The following SPAG16 variants were observed in gnomAD, a reference collection of about 807,000 sequenced individuals.
The protein encoded by SPAG16 is sperm-associated antigen 16 protein.
Under a neutral mutation model 80.4 loss-of-function variants are expected in SPAG16, and 86 were observed. That is an observed-to-expected ratio of 1.07 (90% CI 0.90 to 1.28). The LOEUF (loss-of-function observed/expected upper bound fraction) is 1.28, where lower values mean the gene tolerates loss of function less well. Among genes scored for constraint, SPAG16 ranks in the 50% most tolerant of loss-of-function variants. SPAG16 has a pLI of 0.00. For missense variants in SPAG16, 870 were observed against 765.3 expected (o/e 1.14, Z -1.61); for synonymous variants, 294 against 265.9 (o/e 1.11, Z -1.03).
intron 6 of SPAG16, among the ~76,000 whole-genome samples, chr2:213,342,401 A>T (rs1172026269): frequency 6.8e-6 from 1 of 147,744 alleles, no homozygotes; most frequent in Non-Finnish European, 1.5e-5. Flanking sequence ...AACACACACT[A>T]AGCTAATCAG....
At chr2:214,142,565 G>T (rs760573381) in intron 14 of SPAG16, among the ~76,000 whole-genome samples, 3 of 151,764 alleles carry the variant, frequency 2.0e-5, no homozygotes, top group Non-Finnish European at 4.4e-5. Context: ...TATCTCCTTT[G>T]CCCCAGGTCT....
intron 11 of SPAG16, among the ~76,000 whole-genome samples, chr2:213,913,602 TACA>T (rs2077793395): frequency 1.2e-4 from 1 of 8,464 alleles, no homozygotes; most frequent in Admixed American, 2.0e-3. Context: ...TATGTATATG[TACA>T]TGTACATATA....
chr2:213,480,315 T>C (rs891377293), intron 9 of SPAG16, among the ~76,000 whole-genome samples: 1 of 152,210 alleles, frequency 6.6e-6, no homozygotes, highest in African/African-American at 2.4e-5. Context: ...CAGATGCCAA[T>C]TGGTTGGGAC....
chr2:214,224,653 A>G (rs542931095), intron 15 of SPAG16, among the ~76,000 whole-genome samples: 2 of 152,324 alleles, frequency 1.3e-5, no homozygotes, highest in South Asian at 2.1e-4. Flanking sequence ...GTTGTTGGAT[A>G]AAAAATGGTA....
chr2:213,318,961 T>G (rs542738199), intron 5 of SPAG16, among the ~76,000 whole-genome samples: 1 of 152,086 alleles, frequency 6.6e-6, no homozygotes, highest in Admixed American at 6.6e-5. Context: ...TCCACACCTT[T>G]CTTTCTTTCT....
Position 214,254,534 on chromosome 2 carries a change from A to G in SPAG16, c.1720+105268A>G, listed in dbSNP as rs113506175. On this transcript the variant is annotated intron_variant, in intron 15 of 15. Transcript: ENST00000331683. ...TAGGCGGGCTGTATATCTTAAAACAATCGGTCAGCTTAGTCAGTCAGTAGT... is the reference window on the plus strand; with the variant it reads ...TAGGCGGGCTGTATATCTTAAAACAGTCGGTCAGCTTAGTCAGTCAGTAGT... 1.4e-3 allele frequency among the ~76,000 whole-genome samples: 220 copies of G among 152,070 alleles called. 2 individuals are homozygous for G. The highest frequency in any genetic ancestry group is 4.6e-3 in the African/African-American group (193 of 41,532).
At chr2:213,410,253 A>G (rs569318319) in intron 9 of SPAG16, among the ~76,000 whole-genome samples, 52 of 152,306 alleles carry the variant, frequency 3.4e-4, no homozygotes, top group African/African-American at 1.2e-3. Context: ...CTGACCATCT[A>G]GTTATTAACA....
intron 13 of SPAG16, among the ~76,000 whole-genome samples, chr2:214,038,243 ATT>A (rs539758495): frequency 2.1e-3 from 318 of 151,886 alleles, no homozygotes; most frequent in African/African-American, 7.5e-3. Flanking sequence ...TTCTTTTTAC[ATT>A]TTCTTATTCT....
chr2:214,291,300 CTTTTTTTTTTT>C (rs56771172), intron 15 of SPAG16, among the ~76,000 whole-genome samples: 1 of 80,484 alleles, frequency 1.2e-5, no homozygotes, highest in Non-Finnish European at 2.1e-5. Flanking sequence ...GATCATGTTT[CTTTTTTTTTTT>C]TTTTTTTTTT....
chr2:214,258,880 A>G (rs80043553), intron 15 of SPAG16, among the ~76,000 whole-genome samples: 3,540 of 151,760 alleles, frequency 0.023, 93 homozygotes, highest in African/African-American at 0.061. Context: ...TATAATTTCA[A>G]TTTGGTATTT....
chr2:213,842,536 GATTAT>G (rs2074412596), intron 10 of SPAG16, among the ~76,000 whole-genome samples: 2 of 151,976 alleles, frequency 1.3e-5, no homozygotes, highest in African/African-American at 4.8e-5. Flanking sequence ...AATAGGAAAT[GATTAT>G]ATTAGATTTA....
At chr2:213,865,156 C>A (rs1427353175) in intron 11 of SPAG16, among the ~76,000 whole-genome samples, 1 of 151,916 alleles carries the variant, frequency 6.6e-6, no homozygotes, top group Non-Finnish European at 1.5e-5. Flanking sequence ...ATATTTACCT[C>A]TGTACAAGGA....
chr2:213,544,689 C>T (rs979465396), intron 10 of SPAG16, among the ~76,000 whole-genome samples: 2 of 152,016 alleles, frequency 1.3e-5, no homozygotes, highest in Non-Finnish European at 2.9e-5. Context: ...TCGCTCCCCC[C>T]TCGTACCCCT....
intron 15 of SPAG16, among the ~76,000 whole-genome samples, chr2:214,174,655 C>T (rs1024897624): frequency 1.3e-5 from 2 of 151,694 alleles, no homozygotes; most frequent in Admixed American, 6.6e-5. Flanking sequence ...TTACTTCTCA[C>T]TCACATCAAT....
intron 11 of SPAG16, among the ~76,000 whole-genome samples, chr2:213,884,644 C>T (rs962175630): frequency 6.6e-6 from 1 of 152,136 alleles, no homozygotes; most frequent in Non-Finnish European, 1.5e-5. Flanking sequence ...GAGTTATAGA[C>T]TCTGTCTCAT....
chr2:213,922,468 C>G (rs2078269305), intron 11 of SPAG16, among the ~76,000 whole-genome samples: 1 of 152,070 alleles, frequency 6.6e-6, no homozygotes, highest in Non-Finnish European at 1.5e-5. Flanking sequence ...TTGGGTTTTG[C>G]TGTTTCCCTG....
intron 13 of SPAG16, among the ~76,000 whole-genome samples, chr2:214,086,245 C>G (rs552920306): frequency 6.6e-6 from 1 of 152,216 alleles, no homozygotes; most frequent in Admixed American, 6.5e-5. Flanking sequence ...AAGGTTGTTA[C>G]CAATTCCAGA....
At chr2:213,307,320 G>A (rs1234922399) in intron 3 of SPAG16, among the ~76,000 whole-genome samples, 1 of 145,832 alleles carries the variant, frequency 6.9e-6, no homozygotes, top group African/African-American at 2.5e-5. Flanking sequence ...TCGTCATCTA[G>A]CATTAGGTAT....
At chr2:214,043,876 T>C (rs1311276185) in intron 13 of SPAG16, among the ~76,000 whole-genome samples, 1 of 152,122 alleles carries the variant, frequency 6.6e-6, no homozygotes, top group African/African-American at 2.4e-5. Flanking sequence ...CACTTATATG[T>C]TCATGTAATA....
Sources: gnomAD v4.1 joint callset for allele counts (sites outside exome capture counted in the v4.1 genomes callset) on GRCh38, gnomAD v4.1.1 for gene constraint, MANE v1.5 for transcripts, NCBI Gene and HGNC (gene_info 2026-07-23, HGNC 2026-07-21) for gene names.